The following IRAG1 variants were observed in gnomAD, a reference collection of about 807,000 sequenced individuals.
The protein encoded by IRAG1 is IP3R-associated cGMP kinase substrate.
In IRAG1, 62 loss-of-function variants were observed where a neutral mutation model predicts 106.2. That is an observed-to-expected ratio of 0.58 (90% CI 0.48 to 0.72). The LOEUF (loss-of-function observed/expected upper bound fraction) is 0.72, where lower values mean the gene tolerates loss of function less well. IRAG1 is among the 30% of genes least tolerant of loss of function. The probability of loss-of-function intolerance (pLI) is 0.00; values close to 1 mark genes in which losing one functional copy is unlikely to be tolerated. For synonymous variants in IRAG1, 462 were observed against 443.9 expected (o/e 1.04, Z -0.51); for missense variants, 1,064 against 1,140.7 (o/e 0.93, Z 0.97).
chr11:10,609,613 A>C, intron 11 of IRAG1, 115 bp downstream of exon 11: 1 of 1,219,090 alleles, frequency 8.2e-7, no homozygotes, highest in Non-Finnish European at 1.1e-6. Flanking sequence ...AGACAATTGG[A>C]CTTTGGCCCT....
chr11:10,645,190 C>T (rs1246649019), intron 2 of IRAG1, among the ~76,000 whole-genome samples: 1 of 152,134 alleles, frequency 6.6e-6, no homozygotes, highest in African/African-American at 2.4e-5. Flanking sequence ...TCCTCGATTC[C>T]ATATTTATTG....
At chr11:10,614,862 T>A (rs993033663) in intron 10 of IRAG1, among the ~76,000 whole-genome samples, 5 of 152,164 alleles carry the variant, frequency 3.3e-5, no homozygotes, top group African/African-American at 9.7e-5. Context: ...GGCAATACCA[T>A]TCAGGACATA....
intron 1 of IRAG1, among the ~76,000 whole-genome samples, chr11:10,676,561 A>G (rs1306852233): frequency 1.3e-5 from 2 of 152,144 alleles, no homozygotes; most frequent in African/African-American, 4.8e-5. Flanking sequence ...CAGTTCGGTG[A>G]CTTCTGTTGG....
intron 1 of IRAG1, 91 bp downstream of exon 1, chr11:10,693,445 A>C: frequency 6.7e-7 from 1 of 1,499,822 alleles, no homozygotes; most frequent in Non-Finnish European, 8.8e-7. Context: ...TAGCACCCCC[A>C]TCCCAGCACC....
At chr11:10,679,362 C>CT (rs2135176375) in intron 1 of IRAG1, among the ~76,000 whole-genome samples, 1 of 152,310 alleles carries the variant, frequency 6.6e-6, no homozygotes, top group African/African-American at 2.4e-5. Context: ...CCCTGTTCCC[C>CT]TTCCCCCCAG....
chr11:10,629,413 A>T (rs1238223483), intron 5 of IRAG1, 125 bp downstream of exon 5: 1 of 960,222 alleles, frequency 1.0e-6, no homozygotes. Flanking sequence ...ACCTCTGCTG[A>T]GGAGAGCAGG....
At chr11:10,660,441 T>C (rs1162995068) in intron 1 of IRAG1, among the ~76,000 whole-genome samples, 3 of 152,176 alleles carry the variant, frequency 2.0e-5, no homozygotes, top group Non-Finnish European at 4.4e-5. Flanking sequence ...GGTGAGTTAG[T>C]AGCTTGCCAT....
Position 10,603,239 on chromosome 11 carries a change from G to A in IRAG1, c.1756C>T (p.Leu586Phe). ...TCCCGGTGCTCACAGTGGTGCCAGA[G>A]TGAAGCTGAGGACTGAACAGGAGTA... is the stretch of plus-strand genomic sequence containing the variant. ...FKASITSSAS[L>F]WHHCEHRETY... Residue 586 changes from leucine (L) to phenylalanine (F), a missense_variant, in exon 14 of 21, where the codon CTC (leucine) becomes TTC (phenylalanine). Transcript: ENST00000423302. The A allele has an allele frequency of 6.2e-7, 1 of 1,613,682 alleles. No individual in the cohort carries two copies. Among genetic ancestry groups the A allele is most frequent in the Non-Finnish European group, 8.5e-7 (1 of 1,179,826 alleles).
intron 11 of IRAG1, among the ~76,000 whole-genome samples, chr11:10,607,588 C>T (rs1201003880): frequency 2.0e-5 from 3 of 152,214 alleles, no homozygotes; most frequent in African/African-American, 7.2e-5. Context: ...AAATAATGCA[C>T]AGGCCCTTTC....
intron 10 of IRAG1, among the ~76,000 whole-genome samples, chr11:10,615,259 G>A (rs933242479): frequency 8.4e-4 from 128 of 152,136 alleles, no homozygotes; most frequent in Non-Finnish European, 1.6e-3. Flanking sequence ...TTAGAATGGC[G>A]ATCATTAAAA....
chr11:10,674,194 C>G (rs944995020), intron 1 of IRAG1, among the ~76,000 whole-genome samples: 3 of 152,194 alleles, frequency 2.0e-5, no homozygotes, highest in East Asian at 1.9e-4. Flanking sequence ...CAAGCAAGCA[C>G]AGAGAGCGAG....
At chr11:10,604,314 T>C (rs534600638) in intron 13 of IRAG1, 91 bp downstream of exon 13, 1 of 1,514,218 alleles carries the variant, frequency 6.6e-7, no homozygotes, top group African/African-American at 1.4e-5. Flanking sequence ...CAGGAGACTA[T>C]ACTTGGTACC....
chr11:10,606,651 A>T, intron 12 of IRAG1, 91 bp downstream of exon 12: 1 of 1,310,218 alleles, frequency 7.6e-7, no homozygotes, highest in Non-Finnish European at 1.0e-6. Flanking sequence ...TTGTCTAAAA[A>T]TGTCAGAGCT....
intron 14 of IRAG1, 38 bp downstream of exon 14, chr11:10,603,082 G>A: frequency 1.9e-6 from 3 of 1,592,804 alleles, no homozygotes; most frequent in Non-Finnish European, 2.6e-6. Flanking sequence ...TACGTAGGTG[G>A]AACAGAGTTG....
chr11:10,597,828 T>C (rs903892376), intron 15 of IRAG1, among the ~76,000 whole-genome samples: 1 of 152,250 alleles, frequency 6.6e-6, no homozygotes, highest in Admixed American at 6.5e-5. Context: ...AGTGAGGCTT[T>C]ATTAGAGGAA....
chr11:10,628,690 G>T lies in IRAG1; in HGVS notation c.652+61C>A. The stretch of plus-strand genomic sequence containing the variant: ...GCTGGGAGGCATGCTGATCTGTCCA[G>T]GCTGAGCTGCCACCCAGAGCGAGAG... On this transcript the variant is annotated intron_variant, in intron 6 of 20. Transcript: ENST00000423302. The surrounding 1 kb of genome is among the most constrained non-coding windows in gnomAD (Gnocchi z 4.1). The T allele has an allele frequency of 7.2e-7, 1 of 1,387,800 alleles. No individual in the cohort carries two copies. Among genetic ancestry groups the T allele is most frequent in the Non-Finnish European group, 9.7e-7 (1 of 1,032,290 alleles). 86.0% of individuals were successfully genotyped at this position (1,387,800 alleles called of 1,614,324 possible).
intron 18 of IRAG1, among the ~76,000 whole-genome samples, chr11:10,591,234 CTTAA>C (rs1852628475): frequency 6.6e-6 from 1 of 152,182 alleles, no homozygotes; most frequent in Non-Finnish European, 1.5e-5. Flanking sequence ...TACCTCTGGA[CTTAA>C]TTAAGTCCCA....
chr11:10,633,914 C>A (rs984058026), intron 3 of IRAG1, 54 bp downstream of exon 3: 7 of 1,028,538 alleles, frequency 6.8e-6, no homozygotes, highest in Non-Finnish European at 1.0e-5. Flanking sequence ...GCTGTCTGAT[C>A]CTCATGTTCT....
At chr11:10,594,829 A>G (rs76591464) in intron 15 of IRAG1, among the ~76,000 whole-genome samples, 2,639 of 152,354 alleles carry the variant, frequency 0.017, 34 homozygotes, top group Non-Finnish European at 0.028. Context: ...GATTCAGTTT[A>G]ACCAATATCA....
Sources: gnomAD v4.1 joint callset for allele counts (sites outside exome capture counted in the v4.1 genomes callset) on GRCh38, gnomAD v4.1.1 for gene constraint, Gnocchi (gnomAD v3.1) non-coding constraint, MANE v1.5 for transcripts, NCBI Gene and HGNC (gene_info 2026-07-23, HGNC 2026-07-21) for gene names.